COL13A1: variants seen among roughly 807,000 people sequenced by gnomAD.
COL13A1 encodes collagen type XIII alpha 1 chain, also known as collagen alpha-1(XIII) chain.
A neutral mutation model predicts 130.9 loss-of-function variants in COL13A1; 89 were observed. That is an observed-to-expected ratio of 0.68 (90% CI 0.57 to 0.81). The LOEUF is 0.81. COL13A1 is among the 30% of genes least tolerant of loss of function. The pLI, the probability that COL13A1 is intolerant of heterozygous loss-of-function variation, is 0.00. For missense variants in COL13A1, 879 were observed against 934.6 expected (o/e 0.94, Z 0.78); for synonymous variants, 402 against 341.6 (o/e 1.18, Z -1.95).
chr10:69,910,921 T>G (rs1459185353), intron 17 of COL13A1, among the ~76,000 whole-genome samples: 1 of 152,176 alleles, frequency 6.6e-6, no homozygotes, highest in Non-Finnish European at 1.5e-5. Context: ...AGCCTCATGG[T>G]TTGCATGAAG....
At chr10:69,924,238 G>A (rs2065057461) in intron 24 of COL13A1, among the ~76,000 whole-genome samples, 2 of 152,218 alleles carry the variant, frequency 1.3e-5, no homozygotes, top group Admixed American at 6.5e-5. Flanking sequence ...GTGGCTCCAC[G>A]TCCCGTGAGC....
intron 2 of COL13A1, among the ~76,000 whole-genome samples, chr10:69,858,115 CAAAAAAAA>C (rs573668102): frequency 2.5e-5 from 2 of 80,368 alleles, no homozygotes; most frequent in African/African-American, 5.0e-5. Flanking sequence ...GACTCCGTCT[CAAAAAAAA>C]AAAAAAAAAA....
At chr10:69,941,154 GGTGCCACTGAT>G in intron 35 of COL13A1, 131 bp downstream of exon 35, 3 of 1,472,738 alleles carry the variant, frequency 2.0e-6, no homozygotes, top group Non-Finnish European at 2.8e-6. Flanking sequence ...ACACCAGAAA[GGTGCCACTGAT>G]GCTCTGAAGT....
intron 38 of COL13A1, among the ~76,000 whole-genome samples, chr10:69,949,965 C>CGT (rs146294380): frequency 0.026 from 2,262 of 87,226 alleles, 36 homozygotes; most frequent in South Asian, 0.11. Flanking sequence ...TTTGTGTGTG[C>CGT]GTGTGTGTGT....
At chr10:69,899,606 G>T (rs764449101) in intron 14 of COL13A1, among the ~76,000 whole-genome samples, 2 of 152,192 alleles carry the variant, frequency 1.3e-5, no homozygotes, top group Non-Finnish European at 2.9e-5. Flanking sequence ...TTTGTGGAGG[G>T]AATGTAGTCC....
chr10:69,826,310 G>C (rs947720402), intron 2 of COL13A1, among the ~76,000 whole-genome samples: 2 of 152,212 alleles, frequency 1.3e-5, no homozygotes, highest in African/African-American at 2.4e-5. Flanking sequence ...GGCTAGCTCA[G>C]CTGCTGAAGG....
intron 7 of COL13A1, among the ~76,000 whole-genome samples, chr10:69,881,823 C>A (rs148818982): frequency 3.2e-4 from 49 of 152,348 alleles, no homozygotes; most frequent in African/African-American, 1.2e-3. Flanking sequence ...ACTGTGATCA[C>A]CTCCATTTTA....
intron 2 of COL13A1, among the ~76,000 whole-genome samples, chr10:69,858,115 C>CAAAAAAAAA (rs573668102): frequency 0.2 from 15,702 of 79,780 alleles, 3,048 homozygotes; most frequent in Non-Finnish European, 0.23. Context: ...GACTCCGTCT[C>CAAAAAAAAA]AAAAAAAAAA....
chr10:69,820,544 G>A (rs1845797243), intron 1 of COL13A1, among the ~76,000 whole-genome samples: 1 of 152,232 alleles, frequency 6.6e-6, no homozygotes, highest in Admixed American at 6.5e-5. Context: ...GCTCAGAGCT[G>A]GCTATCACCA....
At chr10:69,860,259 G>A (rs957477398) in intron 2 of COL13A1, among the ~76,000 whole-genome samples, 2 of 152,176 alleles carry the variant, frequency 1.3e-5, no homozygotes, top group South Asian at 2.1e-4. Flanking sequence ...GGTCTCCTGA[G>A]CTAGAAAAGA....
chr10:69,895,793 T>C (rs1354924161), intron 13 of COL13A1, among the ~76,000 whole-genome samples: 1 of 152,168 alleles, frequency 6.6e-6, no homozygotes, highest in African/African-American at 2.4e-5. Flanking sequence ...ATGTGCTATA[T>C]GGAGCCGCTC....
intron 16 of COL13A1, among the ~76,000 whole-genome samples, 155 bp from the exon 17 acceptor site, chr10:69,905,632 G>T (rs2062671647): frequency 6.6e-6 from 1 of 152,220 alleles, no homozygotes; most frequent in African/African-American, 2.4e-5. Context: ...GAAGCTAAGA[G>T]CTATTGCTCC....
chr10:69,867,917 C>T, intron 3 of COL13A1, 112 bp downstream of exon 3: 1 of 696,314 alleles, frequency 1.4e-6, no homozygotes. Flanking sequence ...TTGTTGGGGG[C>T]CTATGCAGGC....
intron 24 of COL13A1, 62 bp downstream of exon 24, chr10:69,923,917 A>T (rs774490075): frequency 2.5e-6 from 4 of 1,569,650 alleles, no homozygotes; most frequent in Non-Finnish European, 3.5e-6. Context: ...GTCAAGAATC[A>T]TCCCGGCCGA....
intron 2 of COL13A1, among the ~76,000 whole-genome samples, chr10:69,826,490 C>A (rs536171607): frequency 3.9e-5 from 6 of 152,158 alleles, no homozygotes; most frequent in Non-Finnish European, 8.8e-5. Flanking sequence ...CGGATGAAAG[C>A]GGAGAAGTCG....
intron 1 of COL13A1, among the ~76,000 whole-genome samples, chr10:69,818,284 A>C (rs1018593411): frequency 6.6e-6 from 1 of 152,158 alleles, no homozygotes; most frequent in African/African-American, 2.4e-5. Flanking sequence ...GATGACCATG[A>C]CATCCTCCAG....
intron 24 of COL13A1, 106 bp from the exon 25 acceptor site, chr10:69,924,857 A>C (rs760763483): frequency 4.5e-4 from 508 of 1,128,154 alleles, no homozygotes; most frequent in Non-Finnish European, 5.8e-4. Flanking sequence ...CTATGGACTA[A>C]GAGCTAAGAT....
intron 34 of COL13A1, 111 bp from the exon 35 acceptor site, chr10:69,940,877 T>C: frequency 2.1e-6 from 3 of 1,417,608 alleles, no homozygotes; most frequent in South Asian, 1.2e-5. Context: ...CCAGCATTTA[T>C]GTCTGTCCAG....
At chr10:69,857,143 C>G (rs946395409) in intron 2 of COL13A1, among the ~76,000 whole-genome samples, 1 of 152,214 alleles carries the variant, frequency 6.6e-6, no homozygotes, top group Non-Finnish European at 1.5e-5. Flanking sequence ...CAGTCTCTAC[C>G]AGCAAGACCT....
Sources: allele counts gnomAD v4.1 joint callset (sites outside exome capture counted in the v4.1 genomes callset), GRCh38; gene constraint gnomAD v4.1.1; transcripts MANE v1.5; gene names NCBI Gene and HGNC (gene_info 2026-07-23, HGNC 2026-07-21).